Variants in POLQ observed in about 807,000 individuals in gnomAD.
The protein encoded by POLQ is DNA polymerase theta.
In POLQ, 233 loss-of-function variants were observed where a neutral mutation model predicts 259.2. That is an observed-to-expected ratio of 0.90 (90% CI 0.81 to 1.00). The LOEUF is 1.00. POLQ is among the 50% of genes least tolerant of loss of function. The pLI is 0.00. For missense variants in POLQ, 2,871 were observed against 3,051.6 expected (o/e 0.94, Z 1.39); for synonymous variants, 1,025 against 1,048.8 (o/e 0.98, Z 0.44).
chr3:121,467,373 C>A (rs1163602709), intron 24 of POLQ, 146 bp downstream of exon 24: 1 of 739,006 alleles, frequency 1.4e-6, no homozygotes, highest in African/African-American at 1.8e-5. Context: ...CCTGGCATGA[C>A]AAAGGAGAAA....
chr3:121,473,155 T>C (rs761489103), intron 21 of POLQ, among the ~76,000 whole-genome samples, 195 bp downstream of exon 21: 1 of 152,264 alleles, frequency 6.6e-6, no homozygotes, highest in East Asian at 1.9e-4. Context: ...TGCTAACTTA[T>C]GATTCGGATT....
chr3:121,477,190 C>G (rs1174310057), intron 19 of POLQ, among the ~76,000 whole-genome samples: 3 of 152,174 alleles, frequency 2.0e-5, no homozygotes, highest in Non-Finnish European at 4.4e-5. Context: ...AAAGTTTATT[C>G]AGCGTCTCTA....
chr3:121,455,633 G>C (rs1418800050), intron 25 of POLQ, among the ~76,000 whole-genome samples: 2 of 152,020 alleles, frequency 1.3e-5, no homozygotes, highest in Non-Finnish European at 2.9e-5. Context: ...AGAAAATCTA[G>C]AAAAAATGGA....
intron 11 of POLQ, 132 bp downstream of exon 11, chr3:121,509,907 A>T: frequency 7.0e-6 from 6 of 853,414 alleles, no homozygotes; most frequent in Non-Finnish European, 1.1e-5. Flanking sequence ...ACTAAAAATG[A>T]GTTGATACAC....
chr3:121,457,998 A>G (rs2047756884), intron 25 of POLQ, among the ~76,000 whole-genome samples: 1 of 152,236 alleles, frequency 6.6e-6, no homozygotes, highest in African/African-American at 2.4e-5. Context: ...ATGTCCAACA[A>G]TGATAGACTA....
chr3:121,514,444 A>T (rs963546552), intron 9 of POLQ, among the ~76,000 whole-genome samples: 1 of 151,844 alleles, frequency 6.6e-6, no homozygotes, highest in Non-Finnish European at 1.5e-5. Flanking sequence ...AAATTGCAAG[A>T]TATAGTAAGA....
In POLQ at chr3:121,494,963, CAAAAAA is replaced by C. The variant is rs35833957; in HGVS notation, c.2279-1248_2279-1243del. The C allele has an allele frequency of 1.9e-5, 10 of 539,186 alleles. No individual in the cohort carries two copies. In the Admixed American group the frequency reaches 3.1e-4, roughly 17 times the overall value. The allele number at this position is 539,186 out of a possible 1,614,324, so 33.4% of individuals were successfully genotyped here. A position where few individuals can be genotyped will look rare whatever the true frequency, so the allele number is the denominator to read the frequency against. The stretch of plus-strand genomic sequence containing the variant: ...AAATAATTAAAATAATACAAATTTT[CAAAAAA>C]AAAAAAAAAGCATGTAAAGATGCTG... On this transcript the variant is annotated intron_variant, in intron 14 of 29. Transcript: ENST00000264233.
rs2048399124 is a variant in POLQ at position 121,529,924 on chromosome 3, C to T, written c.961-132G>A. 6.8e-6 allele frequency: 4 copies of T among 586,464 alleles called. No homozygotes were observed. In the East Asian group the frequency reaches 1.3e-4, roughly 19 times the overall value. 36.3% of individuals were successfully genotyped at this position (586,464 alleles called of 1,614,324 possible). ...GCATAATGAAAATCAGTTACAAAGTCAATAACAAAAGAAAGGAAAAAAAGA... is the reference window on the plus strand; with the variant it reads ...GCATAATGAAAATCAGTTACAAAGTTAATAACAAAAGAAAGGAAAAAAAGA... On this transcript the variant is annotated intron_variant, in intron 6 of 29. Transcript: ENST00000264233.
In POLQ at chr3:121,488,310, T is replaced by G; in HGVS notation, c.4621A>C (p.Asn1541His). Residue 1541 changes from asparagine to histidine, a missense_variant, in exon 16 of 30, where the codon AAT becomes CAT. Transcript: ENST00000264233. ...DLIKKSNVNE[N>H]QDTHQQLTCS... ...GTCAACTGCTGGTGGGTATCTTGAT[T>G]CTCATTTACATTTGATTTTTTAATT... The G allele has an allele frequency of 6.2e-7, 1 of 1,612,532 alleles. No homozygotes were observed. Among genetic ancestry groups the G allele is most frequent in the South Asian group, 1.1e-5 (1 of 90,662 alleles).
In POLQ at chr3:121,489,749, C is replaced by T; in HGVS notation, c.3182G>A (p.Gly1061Glu). The change falls in exon 16 of 30, where the codon GGA becomes GAA. Residue 1061 changes from glycine to glutamate, a missense_variant. Around this residue, in one of 3 missense-constraint regions of POLQ, gnomAD observed 2,080 missense variants for 2,126.0 expected, o/e 0.98. Transcript: ENST00000264233. ...SRDSSPLKDS[G>E]ACRIHLQGQT... is the part of the protein sequence containing the mutation. ...TCCTTGTAAATGGATTCTACACGCTCCAGAGTCTTTCAGGGGGCTGCTGTC... is the reference window on the plus strand; with the variant it reads ...TCCTTGTAAATGGATTCTACACGCTTCAGAGTCTTTCAGGGGGCTGCTGTC... The T allele has an allele frequency of 6.2e-7, 1 of 1,612,048 alleles. No homozygotes were observed. Among genetic ancestry groups the T allele is most frequent in the Non-Finnish European group, 8.5e-7 (1 of 1,179,684 alleles).
At position 121,460,039 on chromosome 3, in the gene POLQ, ACTAAAATCAC is replaced by A. The variant is rs1372090436; in HGVS notation, c.7152+1_7152+10del. On this transcript the variant is annotated splice_donor_variant and splice_donor_5th_base_variant and intron_variant, in intron 25 of 29. Transcript: ENST00000264233. LOFTEE classifies it high-confidence loss of function. ...CTTCTCCTTTATATTAACCATGTTC[ACTAAAATCAC>A]CTGTTTTGCCTGCTGCCTCAGATCA... 1.7e-5 allele frequency: 28 copies of A among 1,604,980 alleles called. No individual in the cohort carries two copies. The highest frequency in any genetic ancestry group is 2.4e-5 in the Non-Finnish European group (28 of 1,172,078).
In POLQ at chr3:121,489,676, A is replaced by T. The variant is rs780274111; in HGVS notation, c.3255T>A (p.Asp1085Glu). ...PSLCEDPFTLDEKKTEFRNSG... is the reference protein window; with the variant it reads ...PSLCEDPFTLEEKKTEFRNSG... The stretch of plus-strand genomic sequence containing the variant: ...AATTTCTAAATTCCGTTTTCTTCTC[A>T]TCTAAGGTAAACGGGTCTTCACAAA... Residue 1085 changes from aspartate (D) to glutamate (E), a missense_variant, in exon 16 of 30, where the codon GAT becomes GAA. By Grantham distance (45) the Asp-to-Glu change is conservative. Coordinates refer to ENST00000264233, the MANE Select transcript of POLQ (RefSeq NM_199420.4). The T allele has an allele frequency of 2.5e-6, 4 of 1,613,964 alleles. No homozygotes were observed. The highest frequency in any genetic ancestry group is 3.4e-6 in the Non-Finnish European group (4 of 1,179,958).
rs775335177 is a variant in POLQ at position 121,533,126 on chromosome 3, G to A, written c.824C>T (p.Ala275Val). 6.2e-7 allele frequency: 1 copy of A among 1,613,982 alleles called. No homozygotes were observed. The highest frequency in any genetic ancestry group is 1.1e-5 in the South Asian group (1 of 91,072). ...GTAGAGTTCAGCATTCAACCAGGAAGCCACAAGCTCCAAATTAGGAAGGGT... is the reference window on the plus strand; with the variant it reads ...GTAGAGTTCAGCATTCAACCAGGAAACCACAAGCTCCAAATTAGGAAGGGT... ...SATLPNLELVASWLNAELYHT... is the reference protein window; with the variant it reads ...SATLPNLELVVSWLNAELYHT... Residue 275 changes from alanine to valine, a missense_variant, in exon 6 of 30, where the codon GCT becomes GTT. Physicochemically the swap from Ala to Val is moderately conservative, Grantham distance 64 (BLOSUM62 0). Around this residue, in one of 3 missense-constraint regions of POLQ, gnomAD observed 783 missense variants for 906.2 expected, o/e 0.86. Coordinates refer to ENST00000264233, the MANE Select transcript of POLQ (RefSeq NM_199420.4).
rs1199756986 is a variant in POLQ, at chr3:121,488,854, G to A, written c.4077C>T (p.Val1359=). The A allele has an allele frequency of 1.9e-6, 3 of 1,613,938 alleles. No individual in the cohort carries two copies. The highest frequency in any genetic ancestry group is 2.2e-5 in the East Asian group (1 of 44,880). ...LAAGIMQKSL[V]QQNSMNSFQK... ...GAAAAGAGTTCATTGAGTTCTGTTGGACTAAGCTCTTCTGCATTATCCCTG... is the reference window on the plus strand; with the variant it reads ...GAAAAGAGTTCATTGAGTTCTGTTGAACTAAGCTCTTCTGCATTATCCCTG... Residue 1359 remains valine, a synonymous_variant, in exon 16 of 30, where the codon GTC becomes GTT. Coordinates refer to ENST00000264233, the MANE Select transcript of POLQ (RefSeq NM_199420.4).
chr3:121,460,375 C>T, intron 24 of POLQ, 141 bp from the exon 25 acceptor site: 1 of 622,702 alleles, frequency 1.6e-6, no homozygotes, highest in Non-Finnish European at 2.8e-6. Context: ...AAGTTAAAAC[C>T]TTCCTCTTAA....
chr3:121,468,309 C>T lies in POLQ; in HGVS notation c.6841G>A (p.Gly2281Ser), dbSNP rs748027236. ...ATACAGAGAAACAGCACCTACCTGC[C>T]CATGGGAAGTAGGCCTTTGCCTACA... is the stretch of plus-strand genomic sequence containing the variant. Reference protein sequence around the residue: ...QAVGKGLLPMGRGKYKKGFSV... With the variant: ...QAVGKGLLPMSRGKYKKGFSV... The change falls in exon 23 of 30, where the codon GGC (glycine) becomes AGC (serine). Residue 2281 changes from glycine to serine, a missense_variant. Transcript: ENST00000264233. 19 of 1,611,478 alleles carry T rather than the reference C, an allele frequency of 1.2e-5. No individual in the cohort carries two copies. Among genetic ancestry groups the T allele is most frequent in the Admixed American group, 3.4e-5 (2 of 59,600 alleles).
intron 3 of POLQ, among the ~76,000 whole-genome samples, chr3:121,541,061 A>C (rs920143441): frequency 6.6e-6 from 1 of 151,946 alleles, no homozygotes; most frequent in Non-Finnish European, 1.5e-5. Context: ...TTGTATTTTT[A>C]GTAGAGATGG....
chr3:121,455,394 G>A (rs1310508884), intron 25 of POLQ, among the ~76,000 whole-genome samples: 2 of 147,212 alleles, frequency 1.4e-5, no homozygotes, highest in African/African-American at 2.5e-5. Context: ...GAGCAGAACT[G>A]AAGGAAATAG....
chr3:121,526,588 T>G (rs1265353034), intron 7 of POLQ, among the ~76,000 whole-genome samples: 1 of 152,184 alleles, frequency 6.6e-6, no homozygotes, highest in Non-Finnish European at 1.5e-5. Flanking sequence ...ATTTTCTTAA[T>G]GGTATCTTGG....
Sources: allele counts gnomAD v4.1 joint callset (sites outside exome capture counted in the v4.1 genomes callset), GRCh38; gene constraint gnomAD v4.1.1; regional missense constraint gnomAD v4.1.1; transcripts MANE v1.5; gene names NCBI Gene and HGNC (gene_info 2026-07-23, HGNC 2026-07-21).